Variants in ZNF804B observed in about 807,000 individuals in gnomAD.
The protein encoded by ZNF804B is zinc finger protein 804B.
ZNF804B carries 80 observed loss-of-function variants against 101.4 expected under a neutral mutation model. The ratio of observed to expected loss-of-function variants is 0.79; its 90% confidence interval spans 0.66 to 0.95. The LOEUF (loss-of-function observed/expected upper bound fraction) is 0.95, where lower values mean the gene tolerates loss of function less well. Among genes scored for constraint, ZNF804B ranks in the 40% least tolerant of loss-of-function variants. ZNF804B has a pLI of 0.00. For synonymous variants in ZNF804B, 622 were observed against 558.8 expected (o/e 1.11, Z -1.59); for missense variants, 1,673 against 1,561.9 (o/e 1.07, Z -1.20).
intron 2 of ZNF804B, among the ~76,000 whole-genome samples, chr7:89,304,815 A>C (rs1057245325): frequency 3.9e-5 from 6 of 152,004 alleles, no homozygotes; most frequent in South Asian, 2.1e-4. Context: ...ACTGATTTAT[A>C]GAGTAGCATT....
intron 2 of ZNF804B, among the ~76,000 whole-genome samples, chr7:89,249,574 T>C (rs1293203236): frequency 6.6e-6 from 1 of 152,116 alleles, no homozygotes; most frequent in Non-Finnish European, 1.5e-5. Context: ...TAAAAAAAAT[T>C]ATTTGAAATA....
intron 2 of ZNF804B, among the ~76,000 whole-genome samples, chr7:89,298,560 C>A (rs1157889823): frequency 1.3e-5 from 2 of 151,468 alleles, no homozygotes; most frequent in East Asian, 3.9e-4. Context: ...GATAATACAT[C>A]TGTGTCTTTG....
intron 1 of ZNF804B, among the ~76,000 whole-genome samples, chr7:89,085,988 A>G (rs1000067518): frequency 6.6e-6 from 1 of 151,898 alleles, no homozygotes; most frequent in Non-Finnish European, 1.5e-5. Context: ...CATTTTTGCA[A>G]ATCAAGTATT....
At chr7:88,954,631 A>T (rs965731146) in intron 1 of ZNF804B, among the ~76,000 whole-genome samples, 3 of 151,308 alleles carry the variant, frequency 2.0e-5, no homozygotes, top group Non-Finnish European at 4.4e-5. Context: ...ATCACATTGT[A>T]CTCCAAAAAT....
chr7:88,800,654 A>G (rs1400355961), intron 1 of ZNF804B, among the ~76,000 whole-genome samples: 1 of 151,636 alleles, frequency 6.6e-6, no homozygotes, highest in Non-Finnish European at 1.5e-5. Flanking sequence ...GGCTGGAAGA[A>G]TGAGCATTTA....
Position 88,834,519 on chromosome 7 carries a change from G to C in ZNF804B, c.108+74435G>C, listed in dbSNP as rs183711062. Among the ~76,000 whole-genome samples, 80 of 151,804 alleles carry C rather than the reference G, an allele frequency of 5.3e-4. 2 individuals carry two copies. In the East Asian group the frequency reaches 0.015, roughly 29 times the overall value. On this transcript the variant is annotated intron_variant, in intron 1 of 3. Coordinates refer to ENST00000333190, the MANE Select transcript of ZNF804B (RefSeq NM_181646.5). ...AATGGATAATGGAGTTAAAGTAATA[G>C]AAAGTTCTTGAAGAAACTTATGAAC...
At chr7:89,154,874 A>G (rs142037849) in intron 1 of ZNF804B, among the ~76,000 whole-genome samples, 3 of 152,056 alleles carry the variant, frequency 2.0e-5, no homozygotes, top group East Asian at 1.9e-4. Flanking sequence ...GTATAAATAT[A>G]CATTTAAAAA....
intron 1 of ZNF804B, among the ~76,000 whole-genome samples, chr7:89,213,733 C>A (rs573663256): frequency 4.6e-5 from 7 of 152,282 alleles, no homozygotes; most frequent in African/African-American, 1.7e-4. Context: ...TGAATCACGC[C>A]TCTGAAGTCA....
At chr7:89,056,209 T>C (rs1319339275) in intron 1 of ZNF804B, among the ~76,000 whole-genome samples, 2 of 152,042 alleles carry the variant, frequency 1.3e-5, no homozygotes, top group African/African-American at 4.8e-5. Context: ...CTTTCAAGGA[T>C]GTAAACACTT....
At chr7:89,281,276 A>G (rs1447740272) in intron 2 of ZNF804B, among the ~76,000 whole-genome samples, 1 of 152,218 alleles carries the variant, frequency 6.6e-6, no homozygotes, top group Non-Finnish European at 1.5e-5. Context: ...GAAAAAACCA[A>G]TAGCTCTGTA....
chr7:88,795,349 C>CT (rs1203244237), intron 1 of ZNF804B, among the ~76,000 whole-genome samples: 1 of 149,934 alleles, frequency 6.7e-6, no homozygotes, highest in African/African-American at 2.5e-5. Context: ...TGATCTATAA[C>CT]TTTTAAAAAA....
At chr7:89,168,752 T>C (rs1028450510) in intron 1 of ZNF804B, among the ~76,000 whole-genome samples, 1 of 151,318 alleles carries the variant, frequency 6.6e-6, no homozygotes, top group Non-Finnish European at 1.5e-5. Context: ...TTGTCTTTTC[T>C]TGCATAAAAC....
chr7:88,994,246 C>A (rs1264909461), intron 1 of ZNF804B, among the ~76,000 whole-genome samples: 2 of 151,884 alleles, frequency 1.3e-5, no homozygotes, highest in Non-Finnish European at 2.9e-5. Context: ...TTCTAGAAAT[C>A]ATTGAGATAT....
chr7:88,760,002 C>T lies in ZNF804B; in HGVS notation c.26C>T (p.Ser9Leu), dbSNP rs749165456. Residue 9 changes from serine (S) to leucine (L), a missense_variant, in exon 1 of 4, where the codon TCG (serine) becomes TTG (leucine). By Grantham distance (145) the Ser-to-Leu change is moderately radical. Coordinates refer to ENST00000333190, the MANE Select transcript of ZNF804B (RefSeq NM_181646.5). MACYLVIS[S>L]RHLSNGHYRG... ...ATGGCTTGTTACCTGGTCATCAGTT[C>T]GAGACATCTCAGCAATGGGCACTAC... The T allele has an allele frequency of 2.5e-6, 4 of 1,614,194 alleles. No homozygotes were observed. In the South Asian group the frequency reaches 4.4e-5, roughly 18 times the overall value.
intron 2 of ZNF804B, among the ~76,000 whole-genome samples, chr7:89,280,370 C>T (rs1369751519): frequency 3.3e-5 from 5 of 151,800 alleles, no homozygotes; most frequent in Admixed American, 1.3e-4. Flanking sequence ...AGAGCAAACA[C>T]ATTCAAAAGC....
chr7:89,099,252 A>G (rs182345141), intron 1 of ZNF804B, among the ~76,000 whole-genome samples: 155 of 152,166 alleles, frequency 1.0e-3, no homozygotes, highest in Middle Eastern at 6.8e-3. Context: ...ACTCACTACT[A>G]TATCATAACT....
intron 1 of ZNF804B, among the ~76,000 whole-genome samples, chr7:89,095,181 A>C (rs1272099151): frequency 6.6e-6 from 1 of 152,090 alleles, no homozygotes; most frequent in Non-Finnish European, 1.5e-5. Flanking sequence ...ATGCCCTTAT[A>C]AAGGGATTTG....
intron 1 of ZNF804B, among the ~76,000 whole-genome samples, chr7:89,039,923 T>G (rs903231354): frequency 6.6e-6 from 1 of 152,124 alleles, no homozygotes; most frequent in African/African-American, 2.4e-5. Flanking sequence ...TATCTTTGAC[T>G]TTTGAGAATT....
chr7:88,858,884 C>G (rs1005860776), intron 1 of ZNF804B, among the ~76,000 whole-genome samples: 4 of 151,934 alleles, frequency 2.6e-5, no homozygotes, highest in African/African-American at 9.7e-5. Flanking sequence ...TTTTCTGGTT[C>G]TATAGCTATA....
Sources: allele counts gnomAD v4.1 joint callset (sites outside exome capture counted in the v4.1 genomes callset), GRCh38; gene constraint gnomAD v4.1.1; transcripts MANE v1.5; gene names NCBI Gene and HGNC (gene_info 2026-07-23, HGNC 2026-07-21).